The following CCM2L variants were observed in gnomAD, a reference collection of about 807,000 sequenced individuals.
The protein encoded by CCM2L is CCM2 like scaffold protein.
CCM2L carries 36 observed loss-of-function variants against 54.1 expected under a neutral mutation model. The observed-to-expected ratio is 0.67, with a 90% CI of 0.51 to 0.88. CCM2L has a LOEUF of 0.88. Ranked by LOEUF, CCM2L falls within the 40% of genes least tolerant of loss-of-function variation. The pLI, the probability that CCM2L is intolerant of heterozygous loss-of-function variation, is 0.00. For missense variants in CCM2L, 700 were observed against 812.1 expected (o/e 0.86, Z 1.68); for synonymous variants, 351 against 359.3 (o/e 0.98, Z 0.26).
chr20:32,025,197 T>TTTTC (rs199994479), intron 6 of CCM2L, among the ~76,000 whole-genome samples: 3 of 151,444 alleles, frequency 2.0e-5, no homozygotes, highest in Admixed American at 2.0e-4. Context: ...CCTTTCCTCT[T>TTTTC]TTTCTTTCTT....
chr20:32,030,430 G>A (rs6061111), intron 9 of CCM2L, among the ~76,000 whole-genome samples: 4 of 152,308 alleles, frequency 2.6e-5, no homozygotes, highest in African/African-American at 9.6e-5. Context: ...TGAGTACCTT[G>A]TTATTTAATC....
intron 6 of CCM2L, among the ~76,000 whole-genome samples, chr20:32,023,887 C>T (rs574881916): frequency 1.3e-5 from 2 of 152,278 alleles, no homozygotes; most frequent in South Asian, 2.1e-4. Flanking sequence ...TGCGCCACTA[C>T]GCCCAGCTAA....
intron 2 of CCM2L, among the ~76,000 whole-genome samples, chr20:32,016,023 AT>A (rs2064738944): frequency 6.6e-6 from 1 of 151,626 alleles, no homozygotes; most frequent in Non-Finnish European, 1.5e-5. Context: ...CACGCAGCTA[AT>A]TTTTTTGTAT....
At chr20:32,015,212 T>C (rs2064731809) in intron 2 of CCM2L, 141 bp downstream of exon 2, 3 of 809,888 alleles carry the variant, frequency 3.7e-6, no homozygotes, top group Non-Finnish European at 5.3e-6. Flanking sequence ...CATGTCAGCC[T>C]TGCCCCCACC....
In CCM2L at chr20:32,018,861, C is replaced by G. The variant is rs372054476; in HGVS notation, c.467-82C>G. ...CGGTGGAACCCCAGAGCCGCGAGGTCAGGTGGCCAGCCGGCCTCGGCGGGG... is the reference window on the plus strand; with the variant it reads ...CGGTGGAACCCCAGAGCCGCGAGGTGAGGTGGCCAGCCGGCCTCGGCGGGG... On this transcript the variant is annotated intron_variant, in intron 4 of 9. Coordinates refer to ENST00000452892, the MANE Select transcript of CCM2L (RefSeq NM_001365692.1). 10 of 1,231,546 alleles carry G rather than the reference C, an allele frequency of 8.1e-6. No individual in the cohort carries two copies. In the Admixed American group the frequency reaches 1.8e-4, roughly 22 times the overall value. 76.3% of individuals were successfully genotyped at this position (1,231,546 alleles called of 1,614,324 possible).
rs2064816027 is a variant in CCM2L at position 32,022,683 on chromosome 20, A to G, written c.957A>G (p.Ala319=). The change falls in exon 6 of 10, where the codon GCA becomes GCG. Residue 319 remains alanine (A), a synonymous_variant. Coordinates refer to ENST00000452892, the MANE Select transcript of CCM2L (RefSeq NM_001365692.1). ...ANRDAAEESC[A]LICQVFQIIY... is the part of the protein sequence containing the mutation. ...AGGACGCTGCAGAGGAGTCCTGCGCACTCATCTGTCAGGTCTTCCAGATCA... is the reference window on the plus strand; with the variant it reads ...AGGACGCTGCAGAGGAGTCCTGCGCGCTCATCTGTCAGGTCTTCCAGATCA... 6.2e-7 allele frequency: 1 copy of G among 1,614,192 alleles called. No individual in the cohort carries two copies. Among genetic ancestry groups the G allele is most frequent in the Admixed American group, 1.7e-5 (1 of 60,020 alleles).
intron 6 of CCM2L, among the ~76,000 whole-genome samples, chr20:32,023,596 T>C (rs1399501025): frequency 6.6e-6 from 1 of 152,262 alleles, no homozygotes; most frequent in Non-Finnish European, 1.5e-5. Flanking sequence ...TTGCCTGTCC[T>C]CTTTGTCACT....
chr20:32,029,060 C>T lies in CCM2L; in HGVS notation c.1199C>T (p.Ser400Phe). The T allele has an allele frequency of 2.5e-6, 4 of 1,614,146 alleles. No homozygotes were observed. Among genetic ancestry groups the T allele is most frequent in the Non-Finnish European group, 3.4e-6 (4 of 1,180,004 alleles). ...ACGTCCACACCTTCTTTCCATGGCT[C>T]CCACTGCAGCGGCAGCGACCACAGC... ...SGTSTPSFHG[S>F]HCSGSDHSSL... The change falls in exon 8 of 10, where the codon TCC becomes TTC. Residue 400 changes from serine (S) to phenylalanine (F), a missense_variant. Transcript: ENST00000452892.
chr20:32,017,849 G>A lies in CCM2L; in HGVS notation c.248G>A (p.Arg83Gln). 6.2e-7 allele frequency: 1 copy of A among 1,614,058 alleles called. No homozygotes were observed. The highest frequency in any genetic ancestry group is 8.5e-7 in the Non-Finnish European group (1 of 1,180,028). ...WVTSSLNPSSRDELLQLLDTA... is the reference protein window; with the variant it reads ...WVTSSLNPSSQDELLQLLDTA... ...ACTTCCTCACTGAACCCCTCCAGTC[G>A]GGACGAGCTCCTGCAGCTGCTAGAC... The change falls in exon 3 of 10, where the codon CGG becomes CAG. Residue 83 changes from arginine (R) to glutamine (Q), a missense_variant. By Grantham distance (43) the Arg-to-Gln change is conservative. Transcript: ENST00000452892.
chr20:32,026,987 A>C (rs2064868127), intron 7 of CCM2L, among the ~76,000 whole-genome samples: 1 of 152,222 alleles, frequency 6.6e-6, no homozygotes, highest in African/African-American at 2.4e-5. Context: ...GTTTGAGACC[A>C]GTCTGGGCAA....
In CCM2L at chr20:32,025,897, G is replaced by A. The variant is rs549211405; in HGVS notation, c.1111G>A (p.Asp371Asn). ...AGATGGGACGTATGCCTATGATGCC[G>A]ACTTCAGCTGCTGCAGCTCCTTGTG... Reference protein sequence around the residue: ...HTDGTYAYDADFSCCSSFNGS... With the variant: ...HTDGTYAYDANFSCCSSFNGS... Residue 371 changes from aspartate to asparagine, a missense_variant, in exon 7 of 10, where the codon GAC becomes AAC. Physicochemically the swap from Asp to Asn is conservative, Grantham distance 23 (BLOSUM62 1). Coordinates refer to ENST00000452892, the MANE Select transcript of CCM2L (RefSeq NM_001365692.1). 1.2e-4 allele frequency: 150 copies of A among 1,304,168 alleles called. 1 individual carries two copies. The African/African-American group carries it at 2.0e-3, about 17-fold the overall frequency. The allele number at this position is 1,304,168 out of a possible 1,614,324, so 80.8% of individuals were successfully genotyped here.
chr20:32,026,399 A>G (rs2064860940), intron 7 of CCM2L, among the ~76,000 whole-genome samples: 1 of 152,066 alleles, frequency 6.6e-6, no homozygotes, highest in African/African-American at 2.4e-5. Flanking sequence ...GCCATCCTCA[A>G]GGTCACCTCA....
intron 8 of CCM2L, 188 bp downstream of exon 8, chr20:32,029,312 T>A: frequency 1.4e-6 from 1 of 722,190 alleles, no homozygotes. Flanking sequence ...CAGCTGGCAT[T>A]AATTGAGTGC....
intron 7 of CCM2L, among the ~76,000 whole-genome samples, chr20:32,027,235 C>T (rs1183301175): frequency 6.6e-6 from 1 of 152,210 alleles, no homozygotes; most frequent in African/African-American, 2.4e-5. Flanking sequence ...TGGCATGTAG[C>T]AGTCTCTGCC....
intron 1 of CCM2L, 94 bp from the exon 2 acceptor site, chr20:32,014,810 G>T: frequency 8.0e-7 from 1 of 1,245,402 alleles, no homozygotes. Flanking sequence ...GTTTTGGTGA[G>T]AATTAAATTA....
At chr20:32,027,092 G>C (rs1222479709) in intron 7 of CCM2L, among the ~76,000 whole-genome samples, 1 of 152,210 alleles carries the variant, frequency 6.6e-6, no homozygotes, top group Non-Finnish European at 1.5e-5. Context: ...CCAGGGTTCT[G>C]TTTAGGGTGA....
At chr20:32,020,765 C>G (rs2064798257) in intron 5 of CCM2L, among the ~76,000 whole-genome samples, 1 of 152,160 alleles carries the variant, frequency 6.6e-6, no homozygotes, top group South Asian at 2.1e-4. Flanking sequence ...GCGGGTGGAT[C>G]ACCTGAGTTG....
At chr20:32,019,539 C>T (rs558693005) in intron 5 of CCM2L, 130 bp downstream of exon 5, 1 of 586,286 alleles carries the variant, frequency 1.7e-6, no homozygotes, top group East Asian at 3.5e-5. Flanking sequence ...CCTGCCCCAC[C>T]TAATGGCTCC....
intron 4 of CCM2L, 94 bp from the exon 5 acceptor site, chr20:32,018,849 G>A: frequency 8.3e-7 from 1 of 1,212,002 alleles, no homozygotes. Flanking sequence ...TGGAACCCCA[G>A]AGCCGCGAGG....
Sources: gnomAD v4.1 joint callset for allele counts (sites outside exome capture counted in the v4.1 genomes callset) on GRCh38, gnomAD v4.1.1 for gene constraint, MANE v1.5 for transcripts, NCBI Gene and HGNC (gene_info 2026-07-23, HGNC 2026-07-21) for gene names.